The following PTPRH variants were observed in gnomAD, a reference collection of about 807,000 sequenced individuals.
PTPRH encodes receptor-type tyrosine-protein phosphatase H.
A neutral mutation model predicts 130.2 loss-of-function variants in PTPRH; 113 were observed. That is an observed-to-expected ratio of 0.87 (90% CI 0.75 to 1.01). The LOEUF (loss-of-function observed/expected upper bound fraction) is 1.01. Among genes scored for constraint, PTPRH ranks in the 50% least tolerant of loss-of-function variants. The probability of loss-of-function intolerance (pLI) is 0.00; values close to 1 mark genes in which losing one functional copy is unlikely to be tolerated. For synonymous variants in PTPRH, 556 were observed against 577.9 expected (o/e 0.96, Z 0.54); for missense variants, 1,430 against 1,425.0 (o/e 1.00, Z -0.06).
At chr19:55,198,345 A>G (rs1160712056) in intron 8 of PTPRH, among the ~76,000 whole-genome samples, 3 of 152,100 alleles carry the variant, frequency 2.0e-5, no homozygotes, top group African/African-American at 4.8e-5. Flanking sequence ...GCTGTTGGCT[A>G]TTGTCCAGCT....
intron 14 of PTPRH, among the ~76,000 whole-genome samples, chr19:55,187,157 A>G (rs534755935): frequency 4.0e-5 from 6 of 151,022 alleles, no homozygotes; most frequent in African/African-American, 1.2e-4. Context: ...CATCCTGGCT[A>G]ACACGGTGAA....
chr19:55,185,515 T>G lies in PTPRH; in HGVS notation c.3049A>C (p.Ile1017Leu), dbSNP rs2086292984. 2 of 1,613,860 alleles carry G rather than the reference T, an allele frequency of 1.2e-6. No individual in the cohort carries two copies. The highest frequency in any genetic ancestry group is 1.7e-4 in the Middle Eastern group (1 of 6,058). Reference sequence around the variant, plus strand: ...GCTGGTCCCCACCTGCAGTGCACAATGGGTGGGCCTCCCTCCATGGTCTGA... The same window carrying G: ...GCTGGTCCCCACCTGCAGTGCACAAGGGGTGGGCCTCCCTCCATGGTCTGA... ...LDQTMEGGPP[I>L]VHCSAGVGRT... The change falls in exon 18 of 20, where the codon ATT becomes CTT. Residue 1017 changes from isoleucine (I) to leucine (L), a missense_variant. By Grantham distance (5) the Ile-to-Leu change is conservative (BLOSUM62 2). Transcript: ENST00000376350.
At position 55,186,154 on chromosome 19, in the gene PTPRH, G is replaced by A; in HGVS notation, c.2778+71C>T. On this transcript the variant is annotated intron_variant, in intron 16 of 19. Transcript: ENST00000376350. ...GAGGAATCCGTAAGGTCTGGGTGTG[G>A]GGTCTACATTGGATGAGTGTTCGGG... is the stretch of plus-strand genomic sequence containing the variant. 1.9e-6 allele frequency: 3 copies of A among 1,573,540 alleles called. No homozygotes were observed. The South Asian group carries it at 3.6e-5, about 19-fold the overall frequency.
In PTPRH at chr19:55,186,364, T is replaced by C. The variant is rs779098988; in HGVS notation, c.2644-5A>G. Reference sequence around the variant, plus strand: ...CTCCTGGGGGCTCCAGAGACCCTGGTTGAGGAAGGCAGGCGGGTCAGGGGG... The same window carrying C: ...CTCCTGGGGGCTCCAGAGACCCTGGCTGAGGAAGGCAGGCGGGTCAGGGGG... On this transcript the variant is annotated splice_region_variant and splice_polypyrimidine_tract_variant and intron_variant, in intron 15 of 19. Coordinates refer to ENST00000376350, the MANE Select transcript of PTPRH (RefSeq NM_002842.5). 7.4e-6 allele frequency: 12 copies of C among 1,612,698 alleles called. No individual in the cohort carries two copies. The East Asian group carries it at 2.7e-4, about 36-fold the overall frequency.
At chr19:55,195,790 C>T (rs1445639026) in intron 10 of PTPRH, among the ~76,000 whole-genome samples, 6 of 151,970 alleles carry the variant, frequency 3.9e-5, no homozygotes, top group East Asian at 1.9e-4. Context: ...AGACTGGTCT[C>T]GAACTCCTGA....
In PTPRH at chr19:55,188,080, G is replaced by A; in HGVS notation, c.2473C>T (p.Gln825Ter). The part of the protein sequence containing the change: ...DSNCGFADEY[Q>*]QLSLVGHSQS... The stretch of plus-strand genomic sequence containing the variant: ...CAGCCCCTCTGTCCTCTCCCCACCT[G>A]GTACTCGTCTGCAAAACCACAGTTG... The change falls in exon 13 of 20, where the codon CAG becomes TAG. Residue 825 changes from glutamine (Q) to a stop codon, truncating the protein, a stop_gained and splice_region_variant. Coordinates refer to ENST00000376350, the MANE Select transcript of PTPRH (RefSeq NM_002842.5). LOFTEE classifies it high-confidence loss of function. The A allele has an allele frequency of 8.1e-6, 13 of 1,613,348 alleles. No individual in the cohort carries two copies. The highest frequency in any genetic ancestry group is 1.1e-5 in the Non-Finnish European group (13 of 1,179,310).
At chr19:55,185,335 CT>C (rs1170591835) in intron 18 of PTPRH, among the ~76,000 whole-genome samples, 166 bp downstream of exon 18, 1 of 152,154 alleles carries the variant, frequency 6.6e-6, no homozygotes, top group African/African-American at 2.4e-5. Flanking sequence ...TCCTTATCCC[CT>C]TTCTTTTCTT....
Position 55,197,132 on chromosome 19 carries a change from G to A in PTPRH, c.1975C>T (p.Leu659Phe). 1 of 1,614,130 alleles carries A rather than the reference G, an allele frequency of 6.2e-7. No individual in the cohort carries two copies. Among genetic ancestry groups the A allele is most frequent in the East Asian group, 2.2e-5 (1 of 44,874 alleles). ...GGATTCTCACATGTGGACGCACAGA[G>A]GCTCTGCGTGGAACTGGCTACGTCA... ...RNDVASSTQSLCASTYPDTVT... is the reference protein window; with the variant it reads ...RNDVASSTQSFCASTYPDTVT... Residue 659 changes from leucine to phenylalanine, a missense_variant, in exon 9 of 20, where the codon CTC becomes TTC. Leu to Phe is a conservative substitution (Grantham distance 22, BLOSUM62 0). Coordinates refer to ENST00000376350, the MANE Select transcript of PTPRH (RefSeq NM_002842.5).
At chr19:55,204,281 G>A (rs1047923297) in intron 4 of PTPRH, among the ~76,000 whole-genome samples, 8 of 152,030 alleles carry the variant, frequency 5.3e-5, no homozygotes, top group Non-Finnish European at 1.0e-4. Context: ...CACCACACCC[G>A]GCTTATTTTT....
chr19:55,194,480 C>T (rs2086629550), intron 10 of PTPRH, among the ~76,000 whole-genome samples: 1 of 152,190 alleles, frequency 6.6e-6, no homozygotes, highest in Admixed American at 6.5e-5. Flanking sequence ...CCAGTTCAAA[C>T]AGCATCCACT....
At chr19:55,197,965 T>C (rs1361373221) in intron 8 of PTPRH, among the ~76,000 whole-genome samples, 1 of 152,156 alleles carries the variant, frequency 6.6e-6, no homozygotes, top group Non-Finnish European at 1.5e-5. Flanking sequence ...GTAATCTCAG[T>C]GCTTTGGGAG....
At chr19:55,185,716 C>G (rs1448715279) in intron 17 of PTPRH, 54 bp from the exon 18 acceptor site, 2 of 1,600,688 alleles carry the variant, frequency 1.2e-6, no homozygotes, top group Non-Finnish European at 1.7e-6. Context: ...GAGGACCTGG[C>G]TTCTAGCACC....
intron 12 of PTPRH, 149 bp downstream of exon 12, chr19:55,191,352 G>T: frequency 1.1e-6 from 1 of 887,686 alleles, no homozygotes; most frequent in Non-Finnish European, 1.8e-6. Flanking sequence ...CGATGGAAGG[G>T]CCGTGGTCCC....
At position 55,181,919 on chromosome 19, in the gene PTPRH, G is replaced by A. The variant is rs772445042; in HGVS notation, c.3199-16C>T. ...CGTACTGAGCCTGGGAAGCAGGCAC[G>A]GGAGTGAGAGGCGTCCCCCCAGGTC... On this transcript the variant is annotated splice_polypyrimidine_tract_variant and intron_variant, in intron 19 of 19. Coordinates refer to ENST00000376350, the MANE Select transcript of PTPRH (RefSeq NM_002842.5). 5.9e-5 allele frequency: 95 copies of A among 1,614,070 alleles called. No homozygotes were observed. The highest frequency in any genetic ancestry group is 1.1e-4 in the East Asian group (5 of 44,902).
At position 55,206,789 on chromosome 19, in the gene PTPRH, G is replaced by A. The variant is rs1004465739; in HGVS notation, c.252C>T (p.Val84=). ...ACCCGGGTCCAAGGCCATCCACGGTGACGTTGGTGGCTGTTGTGTTTCGAG... is the reference window on the plus strand; with the variant it reads ...ACCCGGGTCCAAGGCCATCCACGGTAACGTTGGTGGCTGTTGTGTTTCGAG... ...TETRNTTATN[V]TVDGLGPGSL... The change falls in exon 3 of 20, where the codon GTC becomes GTT. Residue 84 remains valine (V), a synonymous_variant. Coordinates refer to ENST00000376350, the MANE Select transcript of PTPRH (RefSeq NM_002842.5). 4 of 1,614,088 alleles carry A rather than the reference G, an allele frequency of 2.5e-6. No homozygotes were observed. Among genetic ancestry groups the A allele is most frequent in the South Asian group, 1.1e-5 (1 of 91,090 alleles).
intron 18 of PTPRH, 79 bp downstream of exon 18, chr19:55,185,423 C>A: frequency 6.6e-7 from 1 of 1,516,240 alleles, no homozygotes; most frequent in East Asian, 2.3e-5. Flanking sequence ...TGTACGTTCC[C>A]AGGGTCCCGT....
chr19:55,191,548 C>G lies in PTPRH; in HGVS notation c.2337G>C (p.Arg779Ser), dbSNP rs1229797886. 8 of 1,614,062 alleles carry G rather than the reference C, an allele frequency of 5.0e-6. No individual in the cohort carries two copies. The highest frequency in any genetic ancestry group is 6.8e-6 in the Non-Finnish European group (8 of 1,180,024). ...CTGGTTTCTGCTGCTTCTTCTTATT[C>G]CTGGGAAAAGGACGTTAGGATGAGA... is the stretch of plus-strand genomic sequence containing the variant. ...VGLLIFFLKR[R>S]NKKKQQKPEL... The change falls in exon 12 of 20, where the codon AGG becomes AGC. Residue 779 changes from arginine (R) to serine (S), a missense_variant and splice_region_variant. Coordinates refer to ENST00000376350, the MANE Select transcript of PTPRH (RefSeq NM_002842.5).
chr19:55,183,774 G>A (rs567338482), intron 18 of PTPRH, among the ~76,000 whole-genome samples: 5 of 152,234 alleles, frequency 3.3e-5, no homozygotes, highest in African/African-American at 1.2e-4. Context: ...CACTCACAAC[G>A]CTGTGCAGCC....
chr19:55,185,821 AG>A (rs1339486325), intron 17 of PTPRH, 40 bp downstream of exon 17: 1 of 1,613,642 alleles, frequency 6.2e-7, no homozygotes, highest in African/African-American at 1.3e-5. Context: ...CATATGTCAC[AG>A]GGGAAGGCTG....
Sources: gnomAD v4.1 joint callset for allele counts (sites outside exome capture counted in the v4.1 genomes callset) on GRCh38, gnomAD v4.1.1 for gene constraint, MANE v1.5 for transcripts, NCBI Gene and HGNC (gene_info 2026-07-23, HGNC 2026-07-21) for gene names.